The following USP9X variants were observed in gnomAD, a reference collection of about 807,000 sequenced individuals.
USP9X encodes ubiquitin carboxyl-terminal hydrolase 9X.
USP9X carries 7 observed loss-of-function variants against 190.3 expected under a neutral mutation model. That is an observed-to-expected ratio of 0.04 (90% confidence interval 0.02 to 0.07). The LOEUF is 0.07. Among genes scored for constraint, USP9X ranks in the 10% least tolerant of loss-of-function variants. The probability of loss-of-function intolerance (pLI) is 1.00; values close to 1 mark genes in which losing one functional copy is unlikely to be tolerated. For missense variants in USP9X, 1,010 were observed against 1,916.9 expected, an observed-to-expected ratio of 0.53 and a Z score of 8.83; for synonymous variants, 645 against 659.5, an observed-to-expected ratio of 0.98 and a Z score of 0.34.
At chrX:41,111,844 A>AT (rs11349809) in intron 1 of USP9X, among the ~76,000 whole-genome samples, 556 of 87,225 alleles carry the variant, frequency 6.4e-3, no homozygotes, top group African/African-American at 9.1e-3. Flanking sequence ...GTCTTTGAAG[A>AT]TTTTTTTTTT....
At chrX:41,217,942 A>C (rs5918135) in intron 36 of USP9X, among the ~76,000 whole-genome samples, 53,514 of 110,506 alleles carry the variant, frequency 0.48, 9,729 homozygotes, top group Non-Finnish European at 0.56. Context: ...CTACTTATGA[A>C]ATTTATTAGG....
chrX:41,126,663 T>A (rs1381430776), intron 2 of USP9X, among the ~76,000 whole-genome samples: 1 of 112,010 alleles, frequency 8.9e-6, no homozygotes, highest in Non-Finnish European at 1.9e-5. Flanking sequence ...TAAAGATGAC[T>A]GGTAATTTAA....
intron 21 of USP9X, among the ~76,000 whole-genome samples, chrX:41,180,420 G>C (rs920057705): frequency 8.9e-6 from 1 of 112,562 alleles, no homozygotes; most frequent in African/African-American, 3.2e-5. Flanking sequence ...TTGTCAGACA[G>C]TTAAGGCAAG....
chrX:41,192,106 A>G (rs2284118), intron 26 of USP9X, among the ~76,000 whole-genome samples: 14,946 of 111,223 alleles, frequency 0.13, 910 homozygotes, highest in East Asian at 0.21. Flanking sequence ...TCTGTTGACT[A>G]CACGGCAAGC....
chrX:41,219,031 T>C, intron 37 of USP9X, 71 bp from the exon 38 acceptor site: 1 of 1,066,480 alleles, frequency 9.4e-7, no homozygotes, highest in Non-Finnish European at 1.3e-6. Context: ...TATGTGCATG[T>C]CCTTTTTATG....
chrX:41,192,975 C>G (rs2062950648), intron 26 of USP9X, among the ~76,000 whole-genome samples: 1 of 111,465 alleles, frequency 9.0e-6, no homozygotes, highest in Non-Finnish European at 1.9e-5. Flanking sequence ...TTAGAGGTCA[C>G]CTTTTATCAT....
At chrX:41,129,173 G>T in intron 3 of USP9X, 28 bp downstream of exon 3, 1 of 1,194,074 alleles carries the variant, frequency 8.4e-7, no homozygotes, top group African/African-American at 1.8e-5. Context: ...ACCCAAGAAA[G>T]AGAGCAGACA....
At position 41,086,124 on chromosome X, in the gene USP9X, G is replaced by A. The variant is rs1390324369; in HGVS notation, c.-159+15G>A. ...TGTGTCGTGCGGTGAGTGGCCAGCT[G>A]CACTGGGGCGACGCTCTTTCCCGGG... On this transcript the variant is annotated intron_variant, in intron 1 of 44. Transcript: ENST00000378308. The A allele has an allele frequency of 6.7e-6, 2 of 296,510 alleles. No individual in the cohort carries two copies. The highest frequency in any genetic ancestry group is 1.2e-5 in the Non-Finnish European group (2 of 170,035). 24.4% of individuals were successfully genotyped at this position (296,510 alleles called of 1,213,427 possible).
intron 41 of USP9X, among the ~76,000 whole-genome samples, chrX:41,227,507 A>C: frequency 8.9e-6 from 1 of 112,044 alleles, no homozygotes; most frequent in Non-Finnish European, 1.9e-5. Context: ...GAGGAAAAAA[A>C]TCTTACTTTG....
intron 15 of USP9X, among the ~76,000 whole-genome samples, 180 bp from the exon 16 acceptor site, chrX:41,165,692 G>A (rs1290814325): frequency 3.6e-5 from 4 of 111,672 alleles, no homozygotes; most frequent in Admixed American, 9.5e-5. Flanking sequence ...TTAATATCTA[G>A]TGGGGATTTT....
intron 1 of USP9X, among the ~76,000 whole-genome samples, chrX:41,119,239 A>G (rs1335827329): frequency 1.8e-5 from 2 of 111,146 alleles, no homozygotes; most frequent in Non-Finnish European, 3.8e-5. Flanking sequence ...TGGGCGGGGC[A>G]TGGTGGCTCA....
intron 1 of USP9X, among the ~76,000 whole-genome samples, chrX:41,089,311 T>C (rs1215776963): frequency 8.9e-6 from 1 of 112,403 alleles, no homozygotes; most frequent in African/African-American, 3.2e-5. Context: ...CTGTGCTATG[T>C]TAGTGAAATG....
At position 41,234,825 on chromosome X, in the gene USP9X, G is replaced by A. The variant is rs1256363991; in HGVS notation, c.*2301G>A. On this transcript the variant is annotated 3_prime_UTR_variant, in exon 45 of 45. Transcript: ENST00000378308. ...TCTGGCCGCCTCGGCCTCCCAAAGT[G>A]CTGGGATTGCAGGTGTGAGCCACCG... 4.5e-5 allele frequency: 5 copies of A among 111,956 alleles called. No individual in the cohort carries two copies. The highest frequency in any genetic ancestry group is 9.5e-5 in the Admixed American group (1 of 10,523). The allele number at this position is 111,956 out of a possible 1,213,427, so 9.2% of individuals were successfully genotyped here. A position where few individuals can be genotyped will look rare whatever the true frequency, so the allele number is the denominator to read the frequency against.
chrX:41,131,420 A>G (rs781197630), intron 3 of USP9X, 37 bp from the exon 4 acceptor site: 32 of 1,151,069 alleles, frequency 2.8e-5, no homozygotes, highest in Non-Finnish European at 3.8e-5. Flanking sequence ...TTTAGTGTAC[A>G]ACCATTAAGC....
At chrX:41,114,771 TCA>T (rs946102107) in intron 1 of USP9X, among the ~76,000 whole-genome samples, 16 of 109,846 alleles carry the variant, frequency 1.5e-4, no homozygotes, top group Non-Finnish European at 2.5e-4. Context: ...GGTGTGTGAG[TCA>T]CCACCCCTTC....
Position 41,196,594 on chromosome X carries a change from C to T in USP9X, c.4089C>T (p.Ser1363=). The change falls in exon 28 of 45, where the codon AGC becomes AGT. Residue 1363 remains serine, a splice_region_variant and synonymous_variant. Coordinates refer to ENST00000378308, the MANE Select transcript of USP9X (RefSeq NM_001039591.3). ...FITLLFTVLG[S]TARERAKHSG... Reference sequence around the variant, plus strand: ...ATATTATTCTACTCTGTTTCCAGAGCACAGCAAGAGAGAGAGCTAAACACT... The same window carrying T: ...ATATTATTCTACTCTGTTTCCAGAGTACAGCAAGAGAGAGAGCTAAACACT... 1.7e-6 allele frequency: 2 copies of T among 1,206,451 alleles called. No homozygotes were observed. Among genetic ancestry groups the T allele is most frequent in the South Asian group, 1.8e-5 (1 of 55,357 alleles).
intron 10 of USP9X, among the ~76,000 whole-genome samples, chrX:41,143,783 C>T (rs5917412): frequency 0.47 from 51,438 of 110,356 alleles, 8,611 homozygotes; most frequent in East Asian, 0.51. Flanking sequence ...CCTCCAGTGT[C>T]AGGAGAATTA....
chrX:41,159,990 T>C (rs2062614899), intron 14 of USP9X, among the ~76,000 whole-genome samples: 1 of 110,225 alleles, frequency 9.1e-6, no homozygotes, highest in African/African-American at 3.3e-5. Flanking sequence ...AATGGATAGA[T>C]TTTATGGTAC....
intron 33 of USP9X, 73 bp from the exon 34 acceptor site, chrX:41,214,495 T>C: frequency 2.1e-6 from 2 of 974,378 alleles, no homozygotes; most frequent in East Asian, 3.6e-5. Context: ...AAGGCAAATG[T>C]AGTTTACATT....
Sources: allele counts gnomAD v4.1 joint callset (sites outside exome capture counted in the v4.1 genomes callset), GRCh38; gene constraint gnomAD v4.1.1; transcripts MANE v1.5; gene names NCBI Gene and HGNC (gene_info 2026-07-23, HGNC 2026-07-21).